The following PCDHA10 variants were observed in gnomAD, a reference collection of about 807,000 sequenced individuals.
PCDHA10 encodes the protein protocadherin alpha-10.
Under a neutral mutation model 61.2 loss-of-function variants are expected in PCDHA10, and 45 were observed. The ratio of observed to expected loss-of-function variants is 0.74; its 90% CI spans 0.58 to 0.94. The LOEUF is 0.94. PCDHA10 is among the 40% of genes least tolerant of loss of function. PCDHA10 has a pLI of 0.00. For synonymous variants in PCDHA10, 602 were observed against 548.8 expected (o/e 1.10, Z -1.35); for missense variants, 1,278 against 1,236.2 (o/e 1.03, Z -0.51).
intron 1 of PCDHA10, among the ~76,000 whole-genome samples, chr5:140,964,721 CA>C (rs1340678918): frequency 1.3e-5 from 2 of 151,598 alleles, no homozygotes; most frequent in African/African-American, 4.9e-5. Flanking sequence ...CAAATTACCA[CA>C]GCAAACTGAG....
In PCDHA10 at chr5:140,943,140, C is replaced by CCCAGCTA. The variant is rs377502817; in HGVS notation, c.2389-35807_2389-35801dup. 5.8e-3 allele frequency among the ~76,000 whole-genome samples: 878 copies of CCCAGCTA among 151,552 alleles called. 7 individuals are homozygous for CCCAGCTA. The highest frequency in any genetic ancestry group is 0.021 in the African/African-American group (851 of 41,302). On this transcript the variant is annotated intron_variant, in intron 1 of 3. Transcript: ENST00000307360. ...AGGTGTGGTAGTGGGTGCCTGTAGT[C>CCCAGCTA]CCAGCTACTCTGGAGGCTGAGGCAG...
At chr5:140,946,903 T>A (rs2094054259) in intron 1 of PCDHA10, among the ~76,000 whole-genome samples, 1 of 151,408 alleles carries the variant, frequency 6.6e-6, no homozygotes, top group African/African-American at 2.4e-5. Flanking sequence ...ATAGGAAGAA[T>A]AAGTTCTGGT....
intron 3 of PCDHA10, among the ~76,000 whole-genome samples, chr5:140,985,802 C>T (rs567648207): frequency 1.1e-4 from 16 of 146,640 alleles, no homozygotes; most frequent in African/African-American, 3.3e-4. Flanking sequence ...TGCAGTGGCA[C>T]GATCTCAGCT....
intron 1 of PCDHA10, chr5:140,869,624 A>G: frequency 6.2e-7 from 1 of 1,613,850 alleles, no homozygotes; most frequent in African/African-American, 1.3e-5. Flanking sequence ...AGGCTAAGTA[A>G]AAATGAGTAT....
chr5:140,985,039 G>A lies in PCDHA10; in HGVS notation c.2536+2476G>A, dbSNP rs112093918. Among the ~76,000 whole-genome samples the A allele has an allele frequency of 5.2e-3, 789 of 152,178 alleles. 6 individuals carry two copies. Among genetic ancestry groups the A allele is most frequent in the African/African-American group, 0.018 (750 of 41,516 alleles). ...AGCAACCTCTGCCTCCTGGGTTCAA[G>A]TGATTCTCCTGCCTCAGCCTCCTGA... On this transcript the variant is annotated intron_variant, in intron 3 of 3. Transcript: ENST00000307360.
chr5:140,971,123 G>A (rs1305525231), intron 1 of PCDHA10, among the ~76,000 whole-genome samples: 1 of 152,182 alleles, frequency 6.6e-6, no homozygotes, highest in Non-Finnish European at 1.5e-5. Context: ...GTGGGCTACA[G>A]GTGGTGAAGA....
At chr5:140,869,453 T>C in intron 1 of PCDHA10, 1 of 1,614,214 alleles carries the variant, frequency 6.2e-7, no homozygotes, top group Non-Finnish European at 8.5e-7. Flanking sequence ...CTGCAGGTTT[T>C]CCATGTGAAC....
chr5:140,966,426 C>T, intron 1 of PCDHA10: 1 of 421,820 alleles, frequency 2.4e-6, no homozygotes. Flanking sequence ...ACTTGCTGAG[C>T]CCTCCTACCG....
chr5:140,941,438 C>T (rs1408570275), intron 1 of PCDHA10, among the ~76,000 whole-genome samples: 4 of 150,764 alleles, frequency 2.7e-5, no homozygotes, highest in African/African-American at 7.3e-5. Context: ...GCCTCAGCCT[C>T]GGGAGTAGCT....
intron 1 of PCDHA10, chr5:140,883,519 C>G: frequency 6.2e-7 from 1 of 1,614,190 alleles, no homozygotes; most frequent in South Asian, 1.1e-5. Context: ...ACCGCGAGAG[C>G]GTATCAGCCT....
At chr5:140,894,042 C>T (rs1180138209) in intron 1 of PCDHA10, among the ~76,000 whole-genome samples, 2 of 152,078 alleles carry the variant, frequency 1.3e-5, no homozygotes, top group African/African-American at 2.4e-5. Context: ...TAATGTAAGT[C>T]CTCTGTTGAA....
intron 1 of PCDHA10, chr5:140,870,409 G>A (rs2051982376): frequency 1.9e-6 from 3 of 1,614,226 alleles, no homozygotes; most frequent in African/African-American, 1.3e-5. Context: ...TTCTCTGTGG[G>A]CCACGGCCAG....
In PCDHA10 at chr5:140,876,964, C is replaced by T. The variant is rs781890307; in HGVS notation, c.2388+18528C>T. ...GGTGTCCTACTCGCTGGTGGAGCGG[C>T]GGGTGGGCGAGCACGCACTGTCGAG... On this transcript the variant is annotated intron_variant, in intron 1 of 3. Coordinates refer to ENST00000307360, the MANE Select transcript of PCDHA10 (RefSeq NM_018901.4). 2.5e-6 allele frequency: 4 copies of T among 1,613,060 alleles called. No individual in the cohort carries two copies. The highest frequency in any genetic ancestry group is 3.4e-6 in the Non-Finnish European group (4 of 1,179,806).
intron 1 of PCDHA10, among the ~76,000 whole-genome samples, chr5:140,971,377 T>C (rs2096474353): frequency 6.6e-6 from 1 of 152,210 alleles, no homozygotes; most frequent in African/African-American, 2.4e-5. Flanking sequence ...AGTGCATGAC[T>C]TTAATAAAGG....
chr5:140,977,335 A>T (rs1341928835), intron 1 of PCDHA10, among the ~76,000 whole-genome samples: 19 of 152,322 alleles, frequency 1.2e-4, no homozygotes, highest in Admixed American at 1.1e-3. Context: ...GAGGGGAGAG[A>T]CGGTGATGAT....
chr5:140,922,049 T>G (rs1368623726), intron 1 of PCDHA10, among the ~76,000 whole-genome samples: 1 of 152,066 alleles, frequency 6.6e-6, no homozygotes, highest in African/African-American at 2.4e-5. Context: ...CCCACATACC[T>G]TCAAAATGTA....
chr5:140,923,557 A>C (rs1462470621), intron 1 of PCDHA10, among the ~76,000 whole-genome samples: 1 of 152,200 alleles, frequency 6.6e-6, no homozygotes, highest in African/African-American at 2.4e-5. Context: ...AATATCAGCA[A>C]TGAAAGGTCC....
intron 1 of PCDHA10, chr5:140,928,441 C>A: frequency 4.3e-6 from 7 of 1,614,140 alleles, no homozygotes; most frequent in Non-Finnish European, 5.9e-6. Context: ...TGACTTTGAG[C>A]AGCTCAGGGG....
chr5:140,949,636 T>A (rs1047386786), intron 1 of PCDHA10, among the ~76,000 whole-genome samples: 1 of 151,898 alleles, frequency 6.6e-6, no homozygotes, highest in Admixed American at 6.6e-5. Context: ...GGCATATTGC[T>A]TTTTGTTCAT....
Sources: gnomAD v4.1 joint callset for allele counts (sites outside exome capture counted in the v4.1 genomes callset) on GRCh38, gnomAD v4.1.1 for gene constraint, MANE v1.5 for transcripts, NCBI Gene and HGNC (gene_info 2026-07-23, HGNC 2026-07-21) for gene names.